Variants in SLC24A2 observed in about 807,000 individuals in gnomAD.
SLC24A2 encodes solute carrier family 24 member 2.
A neutral mutation model predicts 62.0 loss-of-function variants in SLC24A2; 36 were observed. The ratio of observed to expected loss-of-function variants is 0.58; its 90% CI spans 0.44 to 0.77. SLC24A2 has a LOEUF of 0.77. Among genes scored for constraint, SLC24A2 ranks in the 30% least tolerant of loss-of-function variants. The pLI is 0.00. For missense variants in SLC24A2, 846 were observed against 817.9 expected (o/e 1.03, Z -0.42); for synonymous variants, 358 against 294.0 (o/e 1.22, Z -2.23).
At chr9:19,783,610 G>A (rs1823077487) in intron 2 of SLC24A2, among the ~76,000 whole-genome samples, 1 of 152,098 alleles carries the variant, frequency 6.6e-6, no homozygotes, top group African/African-American at 2.4e-5. Flanking sequence ...TATGTTCAGT[G>A]CCTGGGGGGG....
the SLC24A2 span, among the ~76,000 whole-genome samples, chr9:20,247,981 T>G: frequency 6.6e-6 from 1 of 152,212 alleles, no homozygotes; most frequent in Non-Finnish European, 1.5e-5. Flanking sequence ...ATGCCCTCAA[T>G]AAATATTCTT....
At chr9:19,756,848 T>A (rs1369286410) in intron 2 of SLC24A2, among the ~76,000 whole-genome samples, 1 of 148,048 alleles carries the variant, frequency 6.8e-6, no homozygotes, top group Non-Finnish European at 1.5e-5. Context: ...AGAGAAAACG[T>A]GACATCAGAA....
chr9:20,129,322 G>A, the SLC24A2 span, among the ~76,000 whole-genome samples: 1 of 152,118 alleles, frequency 6.6e-6, no homozygotes, highest in East Asian at 1.9e-4. Context: ...GGAGAAATTA[G>A]AATCCTCAAA....
chr9:19,676,565 T>C (rs1819566701), intron 2 of SLC24A2, among the ~76,000 whole-genome samples: 1 of 152,152 alleles, frequency 6.6e-6, no homozygotes, highest in Non-Finnish European at 1.5e-5. Context: ...TTTTTCCACA[T>C]GTGTATCTTA....
the SLC24A2 span, among the ~76,000 whole-genome samples, chr9:20,168,291 A>C: frequency 2.0e-5 from 3 of 152,002 alleles, no homozygotes; most frequent in African/African-American, 7.2e-5. Flanking sequence ...CTGTTCTCTA[A>C]GCTTAAAATT....
At chr9:20,272,193 G>T in the SLC24A2 span, among the ~76,000 whole-genome samples, 1 of 152,142 alleles carries the variant, frequency 6.6e-6, no homozygotes, top group Non-Finnish European at 1.5e-5. Flanking sequence ...CAGTAATTTG[G>T]GAGAAGCACC....
At chr9:19,919,706 C>T in the SLC24A2 span, among the ~76,000 whole-genome samples, 1 of 152,162 alleles carries the variant, frequency 6.6e-6, no homozygotes, top group East Asian at 1.9e-4. Flanking sequence ...AGGAAACTTA[C>T]AATCATGGCA....
chr9:20,138,055 T>A, the SLC24A2 span, among the ~76,000 whole-genome samples: 1 of 152,160 alleles, frequency 6.6e-6, no homozygotes, highest in African/African-American at 2.4e-5. Flanking sequence ...CATGTGGTCA[T>A]TGCCCAGGTC....
At chr9:20,223,691 G>A in the SLC24A2 span, among the ~76,000 whole-genome samples, 4 of 152,222 alleles carry the variant, frequency 2.6e-5, no homozygotes, top group South Asian at 6.2e-4. Flanking sequence ...TGGGAAAAAT[G>A]GATATATAGT....
At chr9:20,142,957 C>G in the SLC24A2 span, among the ~76,000 whole-genome samples, 3 of 152,158 alleles carry the variant, frequency 2.0e-5, no homozygotes, top group Non-Finnish European at 2.9e-5. Flanking sequence ...AGGGGCCATG[C>G]TCGCTCCATT....
At chr9:20,247,964 A>G in the SLC24A2 span, among the ~76,000 whole-genome samples, 6 of 152,356 alleles carry the variant, frequency 3.9e-5, no homozygotes, top group Non-Finnish European at 2.9e-5. Context: ...GGCTTAGAGC[A>G]TATGGAATGC....
chr9:19,858,168 T>G, the SLC24A2 span, among the ~76,000 whole-genome samples: 2 of 151,940 alleles, frequency 1.3e-5, no homozygotes, highest in Admixed American at 6.6e-5. Flanking sequence ...CGTAGACCAA[T>G]GGAACAGAAT....
the SLC24A2 span, among the ~76,000 whole-genome samples, chr9:19,890,513 G>C: frequency 6.6e-6 from 1 of 151,960 alleles, no homozygotes; most frequent in Non-Finnish European, 1.5e-5. Flanking sequence ...CAAGGTCTCT[G>C]GTTTTGTGTG....
intron 2 of SLC24A2, among the ~76,000 whole-genome samples, chr9:19,748,149 A>C (rs1821886948): frequency 6.6e-6 from 1 of 152,118 alleles, no homozygotes; most frequent in African/African-American, 2.4e-5. Context: ...TGAATTATTT[A>C]CCAAAAGCAA....
the SLC24A2 span, among the ~76,000 whole-genome samples, chr9:19,993,906 G>A: frequency 3.3e-5 from 5 of 152,322 alleles, no homozygotes; most frequent in Admixed American, 2.6e-4. Context: ...AACAGGAAGA[G>A]AAGGAGAAAC....
chr9:20,008,259 G>A, the SLC24A2 span, among the ~76,000 whole-genome samples: 1 of 152,058 alleles, frequency 6.6e-6, no homozygotes, highest in South Asian at 2.1e-4. Context: ...CCACTTGTGG[G>A]TCTCTGTATC....
chr9:19,662,652 A>G (rs2118251021), intron 2 of SLC24A2, among the ~76,000 whole-genome samples: 1 of 152,236 alleles, frequency 6.6e-6, no homozygotes, highest in East Asian at 1.9e-4. Context: ...CTGGAGTTCC[A>G]TTGCAGGCCT....
intron 7 of SLC24A2, among the ~76,000 whole-genome samples, chr9:19,551,182 A>G (rs1834824758): frequency 6.6e-6 from 1 of 152,222 alleles, no homozygotes; most frequent in African/African-American, 2.4e-5. Context: ...AACCACAGCT[A>G]AATTCTAAAC....
rs200645445 is a variant in SLC24A2 at position 19,610,680 on chromosome 9, C to T, written c.1078+8904G>A. ...TAATAACATCATTGCTGTGCTGGTACTATACAATGGTGGCCAAACCAGATC... is the reference window on the plus strand; with the variant it reads ...TAATAACATCATTGCTGTGCTGGTATTATACAATGGTGGCCAAACCAGATC... On this transcript the variant is annotated intron_variant, in intron 4 of 10. Coordinates refer to ENST00000341998, the MANE Select transcript of SLC24A2 (RefSeq NM_020344.4). Among the ~76,000 whole-genome samples, 28 of 152,094 alleles carry T rather than the reference C, an allele frequency of 1.8e-4. No homozygotes were observed. In the East Asian group the frequency reaches 5.2e-3, roughly 28 times the overall value.
Sources: gnomAD v4.1 joint callset for allele counts (sites outside exome capture counted in the v4.1 genomes callset) on GRCh38, gnomAD v4.1.1 for gene constraint, MANE v1.5 for transcripts, NCBI Gene and HGNC (gene_info 2026-07-23, HGNC 2026-07-21) for gene names.